Variants in CDH13 observed in about 807,000 individuals in gnomAD.
CDH13 encodes cadherin 13, also known as cadherin-13.
A neutral mutation model predicts 63.8 loss-of-function variants in CDH13; 24 were observed. The observed-to-expected ratio is 0.38, with a 90% CI of 0.27 to 0.53. The LOEUF is 0.53. Ranked by LOEUF, CDH13 falls within the 20% of genes least tolerant of loss-of-function variation. The pLI is 0.85. For missense variants in CDH13, 1,049 were observed against 903.1 expected (o/e 1.16, Z -2.07); for synonymous variants, 503 against 355.3 (o/e 1.42, Z -4.67).
At chr16:82,854,053 C>T (rs1340178453) in intron 1 of CDH13, among the ~76,000 whole-genome samples, 4 of 152,052 alleles carry the variant, frequency 2.6e-5, no homozygotes, top group African/African-American at 4.8e-5. Flanking sequence ...AATTGAAGAG[C>T]GGATATCGGT....
intron 7 of CDH13, among the ~76,000 whole-genome samples, chr16:83,567,635 G>A (rs1045167431): frequency 2.0e-5 from 3 of 152,114 alleles, no homozygotes; most frequent in African/African-American, 7.2e-5. Context: ...TCACTCTGTT[G>A]CCCAGGCTGG....
At chr16:83,030,725 G>A (rs1297544815) in intron 2 of CDH13, among the ~76,000 whole-genome samples, 1 of 148,986 alleles carries the variant, frequency 6.7e-6, no homozygotes, top group Non-Finnish European at 1.5e-5. Flanking sequence ...ACTGGAAGCA[G>A]AGCACACACC....
intron 6 of CDH13, among the ~76,000 whole-genome samples, chr16:83,446,222 G>C (rs1598040134): frequency 6.7e-6 from 1 of 150,318 alleles, no homozygotes; most frequent in African/African-American, 2.5e-5. Flanking sequence ...AGAATCGCTT[G>C]AACCCAGCAG....
intron 5 of CDH13, among the ~76,000 whole-genome samples, chr16:83,309,532 A>G (rs2089954408): frequency 6.6e-6 from 1 of 152,160 alleles, no homozygotes; most frequent in Non-Finnish European, 1.5e-5. Flanking sequence ...GAGTGCCGCC[A>G]CGCCCAGCTC....
chr16:83,036,175 G>T (rs1322354229), intron 3 of CDH13, among the ~76,000 whole-genome samples: 1 of 137,768 alleles, frequency 7.3e-6, no homozygotes, highest in East Asian at 2.1e-4. Context: ...TTGAGATAGG[G>T]TCTCAGTCCT....
At chr16:83,025,527 A>G (rs1915719105) in intron 2 of CDH13, among the ~76,000 whole-genome samples, 1 of 152,150 alleles carries the variant, frequency 6.6e-6, no homozygotes, top group South Asian at 2.1e-4. Context: ...GCATGGAGGT[A>G]ACCACTCCTG....
At chr16:83,583,427 C>G (rs1905825006) in intron 7 of CDH13, among the ~76,000 whole-genome samples, 1 of 152,222 alleles carries the variant, frequency 6.6e-6, no homozygotes, top group African/African-American at 2.4e-5. Context: ...GATTTTAAAG[C>G]TCATATCTCT....
At chr16:82,715,724 G>C (rs1400371742) in intron 1 of CDH13, among the ~76,000 whole-genome samples, 1 of 152,178 alleles carries the variant, frequency 6.6e-6, no homozygotes, top group Non-Finnish European at 1.5e-5. Context: ...GTGCAGGAAA[G>C]ATCAGAAGAA....
chr16:82,708,359 A>G (rs2151002050), intron 1 of CDH13, among the ~76,000 whole-genome samples: 1 of 152,306 alleles, frequency 6.6e-6, no homozygotes, highest in Non-Finnish European at 1.5e-5. Context: ...ATAGGGCATA[A>G]GGGGATGCAA....
At chr16:83,393,839 T>C (rs1597911932) in intron 6 of CDH13, among the ~76,000 whole-genome samples, 1 of 152,082 alleles carries the variant, frequency 6.6e-6, no homozygotes, top group African/African-American at 2.4e-5. Context: ...AGACACACAG[T>C]AAACATAGAA....
At chr16:83,488,063 G>A (rs188246555) in intron 7 of CDH13, among the ~76,000 whole-genome samples, 64 of 152,322 alleles carry the variant, frequency 4.2e-4, no homozygotes, top group African/African-American at 1.3e-3. Flanking sequence ...GAATTGTCCA[G>A]TAGAGTAACC....
intron 5 of CDH13, among the ~76,000 whole-genome samples, chr16:83,263,359 A>T (rs1907210495): frequency 6.6e-6 from 1 of 152,224 alleles, no homozygotes; most frequent in Non-Finnish European, 1.5e-5. Flanking sequence ...TTTTGTTTTC[A>T]GAAAATCAGG....
At chr16:82,720,020 A>G (rs79999788) in intron 1 of CDH13, among the ~76,000 whole-genome samples, 7,228 of 152,284 alleles carry the variant, frequency 0.047, 264 homozygotes, top group Non-Finnish European at 0.073. Flanking sequence ...CCTGGTCACA[A>G]AAACATTACC....
intron 5 of CDH13, among the ~76,000 whole-genome samples, chr16:83,251,278 G>GA (rs1277428315): frequency 2.0e-5 from 3 of 152,130 alleles, no homozygotes; most frequent in Non-Finnish European, 4.4e-5. Flanking sequence ...TGTAATGAGA[G>GA]AAAAAGCTCT....
intron 1 of CDH13, among the ~76,000 whole-genome samples, chr16:82,651,048 T>C (rs1910664769): frequency 6.6e-6 from 1 of 152,186 alleles, no homozygotes; most frequent in African/African-American, 2.4e-5. Flanking sequence ...CTCTTTAGAC[T>C]GCTTCCTTTT....
In CDH13 at chr16:83,714,162, C is replaced by T. The variant is rs56874292; in HGVS notation, c.1539-33946C>T. 5.4e-3 allele frequency among the ~76,000 whole-genome samples: 827 copies of T among 152,310 alleles called. 6 individuals are homozygous for T. Among genetic ancestry groups the T allele is most frequent in the East Asian group, 0.042 (220 of 5,184 alleles). On this transcript the variant is annotated intron_variant, in intron 10 of 13. Transcript: ENST00000567109. ...AAAATAGATGCCGCAGAAGCCACAA[C>T]AATCCCATCCACTGCAAATCACACG...
chr16:83,109,599 A>G (rs2034961657), intron 3 of CDH13, among the ~76,000 whole-genome samples: 1 of 152,184 alleles, frequency 6.6e-6, no homozygotes, highest in Admixed American at 6.5e-5. Flanking sequence ...GCTCAGGCAG[A>G]TGAGGAAAGC....
intron 1 of CDH13, among the ~76,000 whole-genome samples, chr16:82,843,999 A>G (rs927415298): frequency 5.3e-5 from 8 of 152,236 alleles, no homozygotes; most frequent in African/African-American, 1.7e-4. Flanking sequence ...TACTTATAGA[A>G]CTTTCCTTTC....
In CDH13 at chr16:82,735,836, C is replaced by A. The variant is rs74030804; in HGVS notation, c.45+108699C>A. 5.7e-3 allele frequency among the ~76,000 whole-genome samples: 862 copies of A among 152,260 alleles called. 9 individuals are homozygous for A. Among genetic ancestry groups the A allele is most frequent in the African/African-American group, 0.019 (795 of 41,532 alleles). On this transcript the variant is annotated intron_variant, in intron 1 of 13. Transcript: ENST00000567109. ...ACTCTTTAGCAAGTTTCATTTTTAA[C>A]TTGGGTGCCAAGCCAGCCAATAGAA... is the stretch of plus-strand genomic sequence containing the variant.
Sources: allele counts gnomAD v4.1 joint callset (sites outside exome capture counted in the v4.1 genomes callset), GRCh38; gene constraint gnomAD v4.1.1; transcripts MANE v1.5; gene names NCBI Gene and HGNC (gene_info 2026-07-23, HGNC 2026-07-21).